SGPP2: variants seen among roughly 807,000 people sequenced by gnomAD.
The protein encoded by SGPP2 is sphingosine 1-phosphate phosphohydrolase 2.
SGPP2 carries 30 observed loss-of-function variants against 33.9 expected under a neutral mutation model. The observed-to-expected ratio is 0.89, with a 90% CI of 0.66 to 1.20. The LOEUF (loss-of-function observed/expected upper bound fraction) is 1.20. Among genes scored for constraint, SGPP2 ranks in the 50% most tolerant of loss-of-function variants. The probability of loss-of-function intolerance (pLI) is 0.00; values close to 1 mark genes in which losing one functional copy is unlikely to be tolerated. For synonymous variants in SGPP2, 233 were observed against 225.0 expected (o/e 1.04, Z -0.32); for missense variants, 458 against 532.1 (o/e 0.86, Z 1.37).
At chr2:222,517,222 C>T (rs1698616424) in intron 2 of SGPP2, among the ~76,000 whole-genome samples, 1 of 152,334 alleles carries the variant, frequency 6.6e-6, no homozygotes. Flanking sequence ...AACCCACTGC[C>T]CTAAATAGGA....
At chr2:222,495,215 A>G (rs1345136352) in intron 2 of SGPP2, among the ~76,000 whole-genome samples, 3 of 151,710 alleles carry the variant, frequency 2.0e-5, no homozygotes, top group Admixed American at 6.6e-5. Context: ...GGAGTTTGAG[A>G]CCAGCCTGGG....
chr2:222,424,500 G>T, upstream of SGPP2: 2 of 832,684 alleles, frequency 2.4e-6, no homozygotes, highest in Non-Finnish European at 3.1e-6. Context: ...CCCGGCCTCC[G>T]CCCGGAGTGC....
chr2:222,558,642 C>A lies in SGPP2; in HGVS notation c.944C>A (p.Pro315Gln). ...ESLPVIQNIP[P>Q]LTTYMLVLGL... ...CTCCCTGTTATTCAGAACATCCCACCACTCACCACCTACATGTTAGTTTTG... is the reference window on the plus strand; with the variant it reads ...CTCCCTGTTATTCAGAACATCCCACAACTCACCACCTACATGTTAGTTTTG... The change falls in exon 5 of 5, where the codon CCA becomes CAA. Residue 315 changes from proline (P) to glutamine (Q), a missense_variant. Transcript: ENST00000321276. The A allele has an allele frequency of 1.2e-6, 2 of 1,614,140 alleles. No homozygotes were observed. The highest frequency in any genetic ancestry group is 8.5e-7 in the Non-Finnish European group (1 of 1,180,034).
chr2:222,509,291 T>C (rs570706762), intron 2 of SGPP2, among the ~76,000 whole-genome samples: 103 of 152,264 alleles, frequency 6.8e-4, no homozygotes, highest in Non-Finnish European at 1.3e-3. Flanking sequence ...GGTTTGATCA[T>C]TACACATTGT....
intron 4 of SGPP2, among the ~76,000 whole-genome samples, chr2:222,555,177 A>G (rs1413844476): frequency 6.6e-6 from 1 of 152,222 alleles, no homozygotes; most frequent in Non-Finnish European, 1.5e-5. Context: ...AAGCTGTTGC[A>G]TGCATCAGTA....
At chr2:222,527,129 G>C (rs1559170465) in intron 4 of SGPP2, among the ~76,000 whole-genome samples, 1 of 152,198 alleles carries the variant, frequency 6.6e-6, no homozygotes, top group Non-Finnish European at 1.5e-5. Context: ...TTTTTAAAGT[G>C]AGTTGTGGGG....
In SGPP2 at chr2:222,510,742, T is replaced by C. The variant is rs141158934; in HGVS notation, c.379-11025T>C. Among the ~76,000 whole-genome samples the C allele has an allele frequency of 2.2e-4, 34 of 152,254 alleles. 1 individual carries two copies. In the East Asian group the frequency reaches 6.4e-3, roughly 29 times the overall value. The stretch of plus-strand genomic sequence containing the variant: ...CCTTTGCTCTTTTCAGATGAGGGTA[T>C]TTTGCGGGGATGAAGACAAACAGGG... On this transcript the variant is annotated intron_variant, in intron 2 of 4. Transcript: ENST00000321276.
chr2:222,552,296 A>C (rs957038218), intron 4 of SGPP2, among the ~76,000 whole-genome samples: 1 of 152,206 alleles, frequency 6.6e-6, no homozygotes. Context: ...ACTGTTTTCC[A>C]TAGTGGTTGT....
intron 4 of SGPP2, among the ~76,000 whole-genome samples, chr2:222,549,089 T>A (rs888857720): frequency 2.6e-5 from 4 of 152,264 alleles, no homozygotes; most frequent in African/African-American, 9.6e-5. Context: ...TTCAGCTTAC[T>A]CTGTGAAGGC....
chr2:222,516,304 C>T (rs1399770388), intron 2 of SGPP2, among the ~76,000 whole-genome samples: 1 of 152,190 alleles, frequency 6.6e-6, no homozygotes, highest in Non-Finnish European at 1.5e-5. Context: ...GGCTTCTCTT[C>T]ATTCAGCATA....
intron 4 of SGPP2, among the ~76,000 whole-genome samples, chr2:222,537,699 C>T (rs1182009652): frequency 1.3e-5 from 2 of 152,152 alleles, no homozygotes; most frequent in Non-Finnish European, 2.9e-5. Context: ...TTTCTGAGAA[C>T]TTGTCCTAAA....
chr2:222,467,194 A>C (rs1697758983), intron 1 of SGPP2, among the ~76,000 whole-genome samples: 2 of 152,182 alleles, frequency 1.3e-5, no homozygotes, highest in Non-Finnish European at 2.9e-5. Context: ...GCTCCTGAGA[A>C]GTCTCTCCCC....
intron 2 of SGPP2, among the ~76,000 whole-genome samples, chr2:222,510,130 G>A (rs1698503857): frequency 6.6e-6 from 1 of 152,160 alleles, no homozygotes; most frequent in Non-Finnish European, 1.5e-5. Context: ...GGACATTTGG[G>A]TTGTTTAAAC....
intron 4 of SGPP2, among the ~76,000 whole-genome samples, chr2:222,555,770 C>T (rs1689385910): frequency 6.6e-6 from 1 of 152,124 alleles, no homozygotes; most frequent in African/African-American, 2.4e-5. Context: ...AAGAACCAGG[C>T]TATTTCAGGG....
At chr2:222,484,438 T>C (rs1574855060) in intron 2 of SGPP2, among the ~76,000 whole-genome samples, 2 of 152,230 alleles carry the variant, frequency 1.3e-5, no homozygotes, top group Admixed American at 6.5e-5. Context: ...CTTTGTCAGG[T>C]AGAAAATTGT....
intron 1 of SGPP2, among the ~76,000 whole-genome samples, chr2:222,459,405 C>T (rs1486571446): frequency 6.6e-6 from 1 of 152,066 alleles, no homozygotes; most frequent in African/African-American, 2.4e-5. Context: ...CTGCCTCGGC[C>T]TCCCAAAGTG....
chr2:222,478,289 G>A (rs1697980082), intron 2 of SGPP2, among the ~76,000 whole-genome samples: 1 of 151,618 alleles, frequency 6.6e-6, no homozygotes, highest in African/African-American at 2.4e-5. Context: ...GTGTGTGTGT[G>A]TGTGTGTATA....
At chr2:222,505,556 C>A (rs183842334) in intron 2 of SGPP2, among the ~76,000 whole-genome samples, 237 of 152,246 alleles carry the variant, frequency 1.6e-3, no homozygotes, top group Admixed American at 0.012. Context: ...AAAGGTATGT[C>A]ATGAATGCAT....
chr2:222,484,252 G>T (rs531599109), intron 2 of SGPP2, among the ~76,000 whole-genome samples: 2 of 152,110 alleles, frequency 1.3e-5, no homozygotes, highest in East Asian at 3.9e-4. Context: ...ACATTCTTCC[G>T]TCCCTCTCTC....
Sources: allele counts gnomAD v4.1 joint callset (sites outside exome capture counted in the v4.1 genomes callset), GRCh38; gene constraint gnomAD v4.1.1; transcripts MANE v1.5; gene names NCBI Gene and HGNC (gene_info 2026-07-23, HGNC 2026-07-21).